The following CEBPZOS variants were observed in gnomAD, a reference collection of about 807,000 sequenced individuals.
CEBPZOS encodes CEBPZ opposite strand, also known as protein CEBPZOS.
In CEBPZOS, 10 loss-of-function variants were observed where a neutral mutation model predicts 4.8. That is an observed-to-expected ratio of 2.07 (90% CI 1.28 to 3.52). The LOEUF is 3.52. Ranked by LOEUF, CEBPZOS falls within the 30% of genes most tolerant of loss-of-function variation. CEBPZOS has a pLI of 0.00. For synonymous variants in CEBPZOS, 25 were observed against 14.2 expected (o/e 1.77, Z -1.72); for missense variants, 98 against 43.6 (o/e 2.25, Z -3.51).
chr2:37,197,820 C>T (rs1011278278), intron 1 of CEBPZOS, among the ~76,000 whole-genome samples: 44 of 151,768 alleles, frequency 2.9e-4, no homozygotes, highest in Admixed American at 2.8e-3. Flanking sequence ...GAGCCAGGAT[C>T]GCACCACTGC....
chr2:37,213,244 G>C (rs1677783290), intron 4 of CEBPZOS, among the ~76,000 whole-genome samples: 1 of 152,150 alleles, frequency 6.6e-6, no homozygotes, highest in African/African-American at 2.4e-5. Flanking sequence ...TACTATAATA[G>C]ATTATGAATA....
Position 37,202,073 on chromosome 2 carries a change from C to A in CEBPZOS, c.*213C>A. The A allele has an allele frequency of 4.7e-6, 2 of 423,158 alleles. No individual in the cohort carries two copies. Among genetic ancestry groups the A allele is most frequent in the African/African-American group, 2.0e-5 (1 of 48,856 alleles). 26.2% of individuals were successfully genotyped at this position (423,158 alleles called of 1,614,324 possible). ...TTGCTTTTCTTCTCATATTTATTGTCAAAGATAAATGTTTCAAAAAGAAAT... is the reference window on the plus strand; with the variant it reads ...TTGCTTTTCTTCTCATATTTATTGTAAAAGATAAATGTTTCAAAAAGAAAT... On this transcript the variant is annotated 3_prime_UTR_variant, in exon 5 of 5. Coordinates refer to ENST00000402297, the MANE Select transcript of CEBPZOS (RefSeq NM_001322374.2).
chr2:37,201,630 TTTTA>T lies in CEBPZOS; in HGVS notation c.161-6_161-3del, dbSNP rs774552169. The T allele has an allele frequency of 1.1e-5, 8 of 711,048 alleles. No homozygotes were observed. Among genetic ancestry groups the T allele is most frequent in the Non-Finnish European group, 2.0e-5 (8 of 399,374 alleles). 44.0% of individuals were successfully genotyped at this position (711,048 alleles called of 1,614,324 possible). On this transcript the variant is annotated splice_region_variant and splice_polypyrimidine_tract_variant and intron_variant, in intron 3 of 4. Transcript: ENST00000402297. ...ACATGACTTTATAAATGAGAGCTAT[TTTTA>T]TTTATAGTTTATTACAAATCCACTG... is the stretch of plus-strand genomic sequence containing the variant.
At chr2:37,210,644 A>G (rs973404798) in intron 4 of CEBPZOS, 15 of 167,616 alleles carry the variant, frequency 8.9e-5, no homozygotes, top group Non-Finnish European at 1.4e-4. Flanking sequence ...GCAGTGGGGG[A>G]TAAGAGTACA....
chr2:37,200,746 C>T (rs1238130065), intron 2 of CEBPZOS, among the ~76,000 whole-genome samples: 1 of 152,124 alleles, frequency 6.6e-6, no homozygotes, highest in Admixed American at 6.5e-5. Context: ...TCCCCTGAGC[C>T]CCATCCCAGC....
chr2:37,204,184 C>T lies in CEBPZOS; in HGVS notation c.*2324C>T, dbSNP rs1677430370. 1 of 151,808 alleles carries T rather than the reference C, an allele frequency of 6.6e-6. No individual in the cohort carries two copies. The highest frequency in any genetic ancestry group is 1.5e-5 in the Non-Finnish European group (1 of 68,038). The allele number at this position is 151,808 out of a possible 1,614,324, so 9.4% of individuals were successfully genotyped here. ...CTGTGACCTCAACGAGTAGGCACTT[C>T]TGTACTGTACTGGTTTCTTAAAGTT... On this transcript the variant is annotated 3_prime_UTR_variant, in exon 5 of 5. Coordinates refer to ENST00000402297, the MANE Select transcript of CEBPZOS (RefSeq NM_001322374.2).
At position 37,204,146 on chromosome 2, in the gene CEBPZOS, T is replaced by G. The variant is rs960866133; in HGVS notation, c.*2286T>G. 6.6e-6 allele frequency: 1 copy of G among 152,196 alleles called. No individual in the cohort carries two copies. The highest frequency in any genetic ancestry group is 2.4e-5 in the African/African-American group (1 of 41,446). The allele number at this position is 152,196 out of a possible 1,614,324, so 9.4% of individuals were successfully genotyped here. ...AGTTTTTTTTGGGTTTTATTCATCCTGTAGTGATGTATCTGTGACCTCAAC... is the reference window on the plus strand; with the variant it reads ...AGTTTTTTTTGGGTTTTATTCATCCGGTAGTGATGTATCTGTGACCTCAAC... On this transcript the variant is annotated 3_prime_UTR_variant, in exon 5 of 5. Transcript: ENST00000402297.
At chr2:37,212,245 T>G in intron 4 of CEBPZOS, 1 of 1,201,302 alleles carries the variant, frequency 8.3e-7, no homozygotes, top group Non-Finnish European at 1.2e-6. Context: ...CATTTCCCCT[T>G]TATCATATAG....
downstream of CEBPZOS, among the ~76,000 whole-genome samples, chr2:37,207,092 C>A (rs190380452): frequency 6.6e-6 from 1 of 152,118 alleles, no homozygotes; most frequent in Non-Finnish European, 1.5e-5. Flanking sequence ...ATTAGTCCAA[C>A]AAGAAATGTC....
intron 1 of CEBPZOS, chr2:37,198,353 T>C (rs1282066330): frequency 1.3e-5 from 2 of 152,290 alleles, no homozygotes; most frequent in East Asian, 3.9e-4. Context: ...ATAAGAATAA[T>C]AAAGTTTTAA....
intron 4 of CEBPZOS, chr2:37,210,844 GT>G (rs1677698158): frequency 2.0e-6 from 1 of 495,116 alleles, no homozygotes; most frequent in Non-Finnish European, 3.6e-6. Flanking sequence ...AATTCAAAAT[GT>G]GGAAAATAAT....
downstream of CEBPZOS, among the ~76,000 whole-genome samples, chr2:37,205,184 G>A (rs1040140467): frequency 7.9e-5 from 12 of 152,160 alleles, no homozygotes; most frequent in Admixed American, 6.5e-4. Context: ...GTAGGCGTGA[G>A]GCTCTGAAAG....
At chr2:37,214,461 T>TA (rs1349402000), downstream of CEBPZOS, among the ~76,000 whole-genome samples, 1 of 152,092 alleles carries the variant, frequency 6.6e-6, no homozygotes, top group African/African-American at 2.4e-5. Flanking sequence ...ATATTAAACT[T>TA]AAAGTATTAT....
downstream of CEBPZOS, among the ~76,000 whole-genome samples, chr2:37,207,778 G>T (rs1677587817): frequency 6.6e-6 from 1 of 152,040 alleles, no homozygotes; most frequent in Non-Finnish European, 1.5e-5. Flanking sequence ...CTCAAACCCA[G>T]CAGAAGAAAA....
chr2:37,200,516 CAAATT>C (rs1389119707), intron 2 of CEBPZOS, among the ~76,000 whole-genome samples: 2 of 152,192 alleles, frequency 1.3e-5, no homozygotes, highest in South Asian at 2.1e-4. Context: ...TATTTAAAAA[CAAATT>C]AAAGCTTGGG....
chr2:37,206,505 T>A (rs1028287199), downstream of CEBPZOS, among the ~76,000 whole-genome samples: 1 of 152,146 alleles, frequency 6.6e-6, no homozygotes, highest in African/African-American at 2.4e-5. Flanking sequence ...TTATAGGGGC[T>A]TACCAACATG....
intron 4 of CEBPZOS, chr2:37,210,940 G>A: frequency 8.8e-7 from 1 of 1,132,074 alleles, no homozygotes; most frequent in Non-Finnish European, 1.3e-6. Context: ...TTCCCAAAAT[G>A]ATAATGACAC....
intron 4 of CEBPZOS, chr2:37,211,104 T>C (rs770954341): frequency 6.5e-7 from 1 of 1,534,722 alleles, no homozygotes; most frequent in Non-Finnish European, 8.9e-7. Flanking sequence ...AAAAATTTGC[T>C]AATAAGCAAT....
At chr2:37,210,233 C>A (rs1226216586) in intron 4 of CEBPZOS, 1 of 152,166 alleles carries the variant, frequency 6.6e-6, no homozygotes, top group Non-Finnish European at 1.5e-5. Context: ...CCTTAAAGAA[C>A]TGAAAGTAGA....
Sources: allele counts gnomAD v4.1 joint callset (sites outside exome capture counted in the v4.1 genomes callset), GRCh38; gene constraint gnomAD v4.1.1; transcripts MANE v1.5; gene names NCBI Gene and HGNC (gene_info 2026-07-23, HGNC 2026-07-21).